The following SLC26A6 variants were observed in gnomAD, a reference collection of about 807,000 sequenced individuals.
The protein encoded by SLC26A6 is anion exchange transporter.
Under a neutral mutation model 87.1 loss-of-function variants are expected in SLC26A6, and 67 were observed. The observed-to-expected ratio is 0.77, with a 90% CI of 0.63 to 0.94. The LOEUF (loss-of-function observed/expected upper bound fraction) is 0.94, where lower values mean the gene tolerates loss of function less well. SLC26A6 is among the 40% of genes least tolerant of loss of function. SLC26A6 has a pLI of 0.00. For synonymous variants in SLC26A6, 414 were observed against 405.9 expected, an observed-to-expected ratio of 1.02 and a Z score of -0.24; for missense variants, 902 against 973.0, an observed-to-expected ratio of 0.93 and a Z score of 0.97.
intron 14 of SLC26A6, among the ~76,000 whole-genome samples, chr3:48,629,247 G>A (rs1197390586): frequency 6.6e-6 from 1 of 152,120 alleles, no homozygotes; most frequent in Non-Finnish European, 1.5e-5. Flanking sequence ...TATGTTCCTA[G>A]CACTTGGCCC....
chr3:48,630,345 C>T, intron 11 of SLC26A6, 93 bp downstream of exon 11: 2 of 1,411,478 alleles, frequency 1.4e-6, no homozygotes, highest in Non-Finnish European at 1.9e-6. Flanking sequence ...CAGAACCTAA[C>T]CTTGTGTCCC....
At position 48,630,212 on chromosome 3, in the gene SLC26A6, C is replaced by A. The variant is rs1051900832; in HGVS notation, c.1327-55G>T. ...ATTGAGGGCACCCGATGCTGACAAC[C>A]CTCCTCACCGAGGCAAAGCCAGACT... On this transcript the variant is annotated intron_variant, in intron 11 of 20. Coordinates refer to ENST00000395550, the MANE Select transcript of SLC26A6 (RefSeq NM_022911.3). The A allele has an allele frequency of 2.5e-6, 4 of 1,581,010 alleles. No homozygotes were observed. In the Admixed American group the frequency reaches 6.7e-5, roughly 27 times the overall value.
chr3:48,626,502 T>A, intron 19 of SLC26A6, 129 bp downstream of exon 19: 1 of 1,542,690 alleles, frequency 6.5e-7, no homozygotes. Flanking sequence ...CCTGGACTCC[T>A]GTCTCCCAGG....
intron 14 of SLC26A6, 142 bp downstream of exon 14, chr3:48,629,500 A>T: frequency 1.2e-6 from 1 of 868,868 alleles, no homozygotes; most frequent in Non-Finnish European, 1.8e-6. Context: ...ATAGACCTAA[A>T]CTCCTCCCTT....
intron 1 of SLC26A6, 72 bp downstream of exon 1, chr3:48,635,299 C>T (rs2046925759): frequency 1.3e-6 from 2 of 1,519,116 alleles, no homozygotes; most frequent in Non-Finnish European, 1.8e-6. Context: ...TCCAGCGAGG[C>T]GTCGCAAGCG....
At position 48,628,805 on chromosome 3, in the gene SLC26A6, GC is replaced by G; in HGVS notation, c.1600-92del. On this transcript the variant is annotated intron_variant, in intron 14 of 20. Coordinates refer to ENST00000395550, the MANE Select transcript of SLC26A6 (RefSeq NM_022911.3). The surrounding 1 kb of genome is among the most constrained non-coding windows in gnomAD (Gnocchi z 4.4). Reference sequence around the variant, plus strand: ...CCTTTCCTTCCCTAGTGTGCCCAGTGCCTGCCACCGCCCAGCCCTCTGCTCC... The same window carrying G: ...CCTTTCCTTCCCTAGTGTGCCCAGTGCTGCCACCGCCCAGCCCTCTGCTCC... 1 of 1,415,152 alleles carries G rather than the reference GC, an allele frequency of 7.1e-7. No individual in the cohort carries two copies. The highest frequency in any genetic ancestry group is 9.7e-7 in the Non-Finnish European group (1 of 1,026,106). The allele number at this position is 1,415,152 out of a possible 1,614,324, so 87.7% of individuals were successfully genotyped here. A position where few individuals can be genotyped will look rare whatever the true frequency, so the allele number is the denominator to read the frequency against.
intron 19 of SLC26A6, 105 bp downstream of exon 19, chr3:48,626,526 C>T (rs2046627181): frequency 6.4e-7 from 1 of 1,564,342 alleles, no homozygotes; most frequent in African/African-American, 1.4e-5. Context: ...CCTCTGACCT[C>T]CAGTTCCAGA....
intron 3 of SLC26A6, 32 bp from the exon 4 acceptor site, chr3:48,633,116 G>A: frequency 6.3e-7 from 1 of 1,598,218 alleles, no homozygotes; most frequent in Non-Finnish European, 8.5e-7. Flanking sequence ...TGCAGGCCTG[G>A]AGAGCAGATC....
At chr3:48,629,429 C>T (rs1329348185) in intron 14 of SLC26A6, among the ~76,000 whole-genome samples, 1 of 152,186 alleles carries the variant, frequency 6.6e-6, no homozygotes, top group African/African-American at 2.4e-5. Context: ...AGACCCCTCC[C>T]CAGCCCCAGA....
At position 48,631,146 on chromosome 3, in the gene SLC26A6, A is replaced by G; in HGVS notation, c.987-6T>C. The G allele has an allele frequency of 6.2e-7, 1 of 1,613,708 alleles. No individual in the cohort carries two copies. Among genetic ancestry groups the G allele is most frequent in the Non-Finnish European group, 8.5e-7 (1 of 1,179,996 alleles). ...GGGCCACTGGGGGCACCAGCCTGTGAGAGGTATCTGTGAGGCCAAAGCAAG... is the reference window on the plus strand; with the variant it reads ...GGGCCACTGGGGGCACCAGCCTGTGGGAGGTATCTGTGAGGCCAAAGCAAG... On this transcript the variant is annotated splice_polypyrimidine_tract_variant and splice_region_variant and intron_variant, in intron 8 of 20. Coordinates refer to ENST00000395550, the MANE Select transcript of SLC26A6 (RefSeq NM_022911.3).
intron 14 of SLC26A6, among the ~76,000 whole-genome samples, chr3:48,629,284 A>C (rs1026405939): frequency 1.3e-5 from 2 of 152,176 alleles, no homozygotes; most frequent in African/African-American, 4.8e-5. Flanking sequence ...TAAATGGATG[A>C]CTGAGGACTT....
At position 48,626,658 on chromosome 3, in the gene SLC26A6, C is replaced by A; in HGVS notation, c.2101G>T (p.Val701Leu). ...TGGCAGGCCGCCATGTACACCTCCA[C>A]CTCAATCTCCCGGAAGTCATGGAAA... Reference protein sequence around the residue: ...NIFHDFREIEVEVYMAACHSP... With the variant: ...NIFHDFREIELEVYMAACHSP... Residue 701 changes from valine to leucine, a missense_variant, in exon 19 of 21, where the codon GTG becomes TTG. By Grantham distance (32) the Val-to-Leu change is conservative. Coordinates refer to ENST00000395550, the MANE Select transcript of SLC26A6 (RefSeq NM_022911.3). The A allele has an allele frequency of 6.2e-7, 1 of 1,614,196 alleles. No individual in the cohort carries two copies. Among genetic ancestry groups the A allele is most frequent in the East Asian group, 2.2e-5 (1 of 44,882 alleles).
At position 48,630,491 on chromosome 3, in the gene SLC26A6, A is replaced by G; in HGVS notation, c.1273T>C (p.Phe425Leu). Reference protein sequence around the residue: ...SQVAGAISSLFILLIIVKLGE... With the variant: ...SQVAGAISSLLILLIIVKLGE... ...AGTTTGACAATGATGAGGAGGATGA[A>G]AAGGGAAGAGATGGCTCCAGCAACC... Residue 425 changes from phenylalanine (F) to leucine (L), a missense_variant, in exon 11 of 21, where the codon TTC becomes CTC. By Grantham distance (22) the Phe-to-Leu change is conservative. This residue lies in a region of SLC26A6 where 800 missense variants were observed against 856.8 expected (regional missense o/e 0.93). Transcript: ENST00000395550. 1 of 1,561,866 alleles carries G rather than the reference A, an allele frequency of 6.4e-7. No individual in the cohort carries two copies. Among genetic ancestry groups the G allele is most frequent in the Admixed American group, 1.9e-5 (1 of 52,472 alleles).
intron 9 of SLC26A6, 132 bp from the exon 10 acceptor site, chr3:48,630,852 A>C (rs1187704969): frequency 1.5e-5 from 23 of 1,503,516 alleles, no homozygotes; most frequent in Non-Finnish European, 2.1e-5. Flanking sequence ...GCTGTCCCAC[A>C]CGTCCTGCTC....
At chr3:48,630,892 G>A in intron 9 of SLC26A6, 101 bp downstream of exon 9, 1 of 1,563,746 alleles carries the variant, frequency 6.4e-7, no homozygotes, top group Non-Finnish European at 8.7e-7. Flanking sequence ...CGTGGCCTCA[G>A]CACATCTGCT....
intron 20 of SLC26A6, 21 bp from the exon 21 acceptor site, chr3:48,626,021 A>G: frequency 6.2e-7 from 1 of 1,613,650 alleles, no homozygotes; most frequent in Non-Finnish European, 8.5e-7. Flanking sequence ...AGAGGAGGGG[A>G]GGCTCTAGTC....
At chr3:48,632,464 AAG>A (rs1329414682) in intron 4 of SLC26A6, 68 bp from the exon 5 acceptor site, 5 of 1,557,744 alleles carry the variant, frequency 3.2e-6, no homozygotes, top group Non-Finnish European at 3.5e-6. Context: ...CCCTGGTCTT[AAG>A]AGAGAGGCCA....
chr3:48,635,291 C>T (rs2046925299), intron 1 of SLC26A6, 80 bp downstream of exon 1: 3 of 1,224,418 alleles, frequency 2.5e-6, no homozygotes, highest in East Asian at 2.9e-5. Flanking sequence ...ATGCCTGCTC[C>T]AGCGAGGCGT....
In SLC26A6 at chr3:48,629,610, C is replaced by A. The variant is rs758827182; in HGVS notation, c.1599+32G>T. The A allele has an allele frequency of 2.0e-5, 32 of 1,581,380 alleles. No homozygotes were observed. The African/African-American group carries it at 2.7e-4, about 13-fold the overall frequency. On this transcript the variant is annotated intron_variant, in intron 14 of 20. Transcript: ENST00000395550. ...GCTCATTCTTCCTCCGTCTCCCCAT[C>A]CACACCATCTCACTCAGCCCCTGAC...
Sources: gnomAD v4.1 joint callset for allele counts (sites outside exome capture counted in the v4.1 genomes callset) on GRCh38, gnomAD v4.1.1 for gene constraint, gnomAD v4.1.1 regional missense constraint, Gnocchi (gnomAD v3.1) non-coding constraint, MANE v1.5 for transcripts, NCBI Gene and HGNC (gene_info 2026-07-23, HGNC 2026-07-21) for gene names.